The following ERC1 variants were observed in gnomAD, a reference collection of about 807,000 sequenced individuals.
ERC1 encodes RAB6 interacting protein 2.
Under a neutral mutation model 132.0 loss-of-function variants are expected in ERC1, and 56 were observed. The ratio of observed to expected loss-of-function variants is 0.42; its 90% CI spans 0.34 to 0.53. The LOEUF (loss-of-function observed/expected upper bound fraction) is 0.53, where lower values mean the gene tolerates loss of function less well. Ranked by LOEUF, ERC1 falls within the 20% of genes least tolerant of loss-of-function variation. The probability of loss-of-function intolerance (pLI) is 0.03; values close to 1 mark genes in which losing one functional copy is unlikely to be tolerated. For synonymous variants in ERC1, 478 were observed against 476.1 expected, an observed-to-expected ratio of 1.00 and a Z score of -0.05; for missense variants, 1,202 against 1,349.9, an observed-to-expected ratio of 0.89 and a Z score of 1.72.
At chr12:1,133,902 G>A (rs1240137636) in intron 7 of ERC1, among the ~76,000 whole-genome samples, 1 of 152,054 alleles carries the variant, frequency 6.6e-6, no homozygotes, top group Non-Finnish European at 1.5e-5. Context: ...AGATCATACC[G>A]TAATCTGTGT....
intron 7 of ERC1, among the ~76,000 whole-genome samples, chr12:1,127,346 AG>A (rs1264656297): frequency 6.6e-6 from 1 of 152,182 alleles, no homozygotes; most frequent in Non-Finnish European, 1.5e-5. Flanking sequence ...TGTTCACCAC[AG>A]TATTATTTGT....
chr12:1,094,449 C>T (rs375979744), intron 3 of ERC1, among the ~76,000 whole-genome samples: 5 of 143,284 alleles, frequency 3.5e-5, no homozygotes, highest in South Asian at 2.2e-4. Flanking sequence ...CTCGCTCTAT[C>T]GCCCAGGCTG....
Position 1,444,583 on chromosome 12 carries a change from C to G in ERC1, c.3046C>G (p.Leu1016Val). ...TTAGATCATCCAGCCCCTCTTAGAA[C>G]TTGACCAAAATAGAAGTAAATTAAA... ...PDQIIQPLLE[L>V]DQNRSKLKLY... is the part of the protein sequence containing the mutation. Residue 1016 changes from leucine (L) to valine (V), a missense_variant, in exon 18 of 19, where the codon CTT becomes GTT. Transcript: ENST00000360905. 6.2e-7 allele frequency: 1 copy of G among 1,612,160 alleles called. No homozygotes were observed. Among genetic ancestry groups the G allele is most frequent in the Non-Finnish European group, 8.5e-7 (1 of 1,179,106 alleles).
At chr12:1,314,179 C>G (rs2081523514) in intron 15 of ERC1, among the ~76,000 whole-genome samples, 1 of 151,918 alleles carries the variant, frequency 6.6e-6, no homozygotes, top group South Asian at 2.1e-4. Context: ...ACTATAAAGC[C>G]TTAAGAAAAA....
At chr12:1,141,832 T>C (rs763297731) in intron 8 of ERC1, 45 bp downstream of exon 8, 3 of 1,381,812 alleles carry the variant, frequency 2.2e-6, no homozygotes, top group Middle Eastern at 3.7e-4. Flanking sequence ...TCCTCATACA[T>C]CTTCACTCCT....
intron 15 of ERC1, among the ~76,000 whole-genome samples, chr12:1,355,186 T>C (rs575970071): frequency 7.2e-5 from 11 of 152,330 alleles, no homozygotes; most frequent in Admixed American, 2.0e-4. Flanking sequence ...AGAAAATATA[T>C]AAGCAAATGA....
chr12:1,134,256 A>C (rs977438667), intron 7 of ERC1, among the ~76,000 whole-genome samples: 2 of 151,986 alleles, frequency 1.3e-5, no homozygotes, highest in Admixed American at 6.5e-5. Context: ...TATTCTTCTT[A>C]CTATTTTAGG....
At position 1,028,190 on chromosome 12, in the gene ERC1, G is replaced by A. The variant is rs1466844791; in HGVS notation, c.287G>A (p.Gly96Glu). The change falls in exon 2 of 19, where the codon GGA becomes GAA. Residue 96 changes from glycine to glutamate, a missense_variant. Gly to Glu is a moderately conservative substitution (Grantham distance 98). Transcript: ENST00000360905. The stretch of plus-strand genomic sequence containing the variant: ...ACCATGACACTTGGCCGTTCTGGGG[G>A]ACGTCTGCCTTACGGTGTTCGGATG... The part of the protein sequence containing the change: ...KSTMTLGRSG[G>E]RLPYGVRMTA... 3 of 1,614,078 alleles carry A rather than the reference G, an allele frequency of 1.9e-6. No homozygotes were observed. Among genetic ancestry groups the A allele is most frequent in the African/African-American group, 2.7e-5 (2 of 74,914 alleles).
At chr12:1,353,863 G>A (rs546110780) in intron 15 of ERC1, among the ~76,000 whole-genome samples, 2 of 152,308 alleles carry the variant, frequency 1.3e-5, no homozygotes, top group South Asian at 2.1e-4. Flanking sequence ...AACTAAATCC[G>A]ATGGAAATTT....
At chr12:1,060,724 A>ATG (rs1937658704) in intron 2 of ERC1, among the ~76,000 whole-genome samples, 1 of 109,146 alleles carries the variant, frequency 9.2e-6, no homozygotes, top group African/African-American at 3.4e-5. Context: ...AACGTGGGAA[A>ATG]TTTTTTTTTT....
At chr12:1,482,385 G>C (rs770391156) in intron 18 of ERC1, among the ~76,000 whole-genome samples, 3 of 151,342 alleles carry the variant, frequency 2.0e-5, no homozygotes, top group Non-Finnish European at 4.4e-5. Context: ...ATTTGTGGCA[G>C]TTACTACACA....
chr12:1,041,897 C>T (rs776811606), intron 2 of ERC1, among the ~76,000 whole-genome samples: 11 of 152,136 alleles, frequency 7.2e-5, no homozygotes, highest in Non-Finnish European at 1.3e-4. Flanking sequence ...AACAGGCCTG[C>T]GCCATCACAC....
At chr12:1,329,944 A>C (rs2082740290) in intron 15 of ERC1, among the ~76,000 whole-genome samples, 1 of 152,190 alleles carries the variant, frequency 6.6e-6, no homozygotes, top group South Asian at 2.1e-4. Context: ...GATTCTGGAG[A>C]ATAGTTTAAC....
chr12:1,248,839 C>T (rs1231138496), intron 13 of ERC1, among the ~76,000 whole-genome samples: 1 of 152,064 alleles, frequency 6.6e-6, no homozygotes, highest in African/African-American at 2.4e-5. Context: ...AGCTCACATT[C>T]TGGTAAGGGC....
chr12:1,346,807 TG>T (rs548807590), intron 15 of ERC1, among the ~76,000 whole-genome samples: 2,362 of 151,534 alleles, frequency 0.016, 59 homozygotes, highest in African/African-American at 0.054. Flanking sequence ...CCGGGCGCGG[TG>T]GCGGGCGCCT....
At chr12:1,320,792 C>G (rs1287067098) in intron 15 of ERC1, among the ~76,000 whole-genome samples, 2 of 152,170 alleles carry the variant, frequency 1.3e-5, no homozygotes, top group Non-Finnish European at 2.9e-5. Flanking sequence ...AGCTCTGCCT[C>G]CCGGGTTCAC....
chr12:1,489,955 C>T (rs1196939481), intron 18 of ERC1, 138 bp from the exon 19 acceptor site: 5 of 996,542 alleles, frequency 5.0e-6, no homozygotes, highest in South Asian at 3.5e-5. Context: ...TTTGCTTTTA[C>T]ACTTTTCTTA....
intron 16 of ERC1, among the ~76,000 whole-genome samples, chr12:1,404,384 CAA>C (rs35010065): frequency 1.0e-4 from 13 of 124,032 alleles, no homozygotes; most frequent in African/African-American, 8.6e-5. Flanking sequence ...CTACTGTTTG[CAA>C]AAAAAAAAAA....
intron 4 of ERC1, among the ~76,000 whole-genome samples, chr12:1,107,211 G>T (rs534191076): frequency 1.4e-4 from 21 of 149,666 alleles, no homozygotes; most frequent in Admixed American, 5.3e-4. Context: ...CTATTTTTTT[G>T]TTTGTTTGTT....
Sources: gnomAD v4.1 joint callset for allele counts (sites outside exome capture counted in the v4.1 genomes callset) on GRCh38, gnomAD v4.1.1 for gene constraint, MANE v1.5 for transcripts, NCBI Gene and HGNC (gene_info 2026-07-23, HGNC 2026-07-21) for gene names.